LYZL4: variants seen among roughly 807,000 people sequenced by gnomAD.
The protein encoded by LYZL4 is lysozyme-like protein 4.
In LYZL4, 13 loss-of-function variants were observed where a neutral mutation model predicts 17.6. The ratio of observed to expected loss-of-function variants is 0.74; its 90% CI spans 0.48 to 1.18. The LOEUF is 1.18. LYZL4 is among the 50% of genes most tolerant of loss of function. The probability of loss-of-function intolerance (pLI) is 0.00; values close to 1 mark genes in which losing one functional copy is unlikely to be tolerated. For synonymous variants in LYZL4, 64 were observed against 67.7 expected (o/e 0.95, Z 0.27); for missense variants, 174 against 188.2 (o/e 0.92, Z 0.44).
At chr3:42,383,035 T>G in the LYZL4 span, among the ~76,000 whole-genome samples, 1 of 152,146 alleles carries the variant, frequency 6.6e-6, no homozygotes, top group Non-Finnish European at 1.5e-5. Flanking sequence ...TCCTTTCCAC[T>G]CCACACAACC....
the LYZL4 span, among the ~76,000 whole-genome samples, chr3:42,378,967 C>T: frequency 5.3e-5 from 8 of 152,190 alleles, no homozygotes; most frequent in South Asian, 1.7e-3. Flanking sequence ...GAGTCCAGAG[C>T]TTAAGTGCTT....
intron 4 of LYZL4, among the ~76,000 whole-genome samples, chr3:42,401,525 T>G (rs1181653999): frequency 6.6e-6 from 1 of 152,150 alleles, no homozygotes; most frequent in Non-Finnish European, 1.5e-5. Context: ...CACATCATAA[T>G]AAAATTTATT....
At chr3:42,375,096 C>T in the LYZL4 span, among the ~76,000 whole-genome samples, 1 of 152,122 alleles carries the variant, frequency 6.6e-6, no homozygotes, top group Non-Finnish European at 1.5e-5. Flanking sequence ...CAGGTGTGAG[C>T]CACTGTACCT....
At chr3:42,397,568 C>T (rs146008209) in intron 4 of LYZL4, among the ~76,000 whole-genome samples, 2 of 152,308 alleles carry the variant, frequency 1.3e-5, no homozygotes, top group East Asian at 3.9e-4. Flanking sequence ...CAGCCCCCAA[C>T]TCATTCCATA....
rs1261374445 is a variant in LYZL4 at position 42,397,345 on chromosome 3, A to G, written c.372-11T>C. On this transcript the variant is annotated splice_polypyrimidine_tract_variant and intron_variant, in intron 4 of 4. Coordinates refer to ENST00000287748, the MANE Select transcript of LYZL4 (RefSeq NM_144634.4). ...CGGGACCAGGTGGGCCTGTGGAGAG[A>G]AGTGAACAGGAAGGGCTCCTCAAAG... 9.6e-6 allele frequency: 15 copies of G among 1,561,460 alleles called. No individual in the cohort carries two copies. The highest frequency in any genetic ancestry group is 1.3e-5 in the Non-Finnish European group (15 of 1,150,542).
chr3:42,373,315 G>A, the LYZL4 span, among the ~76,000 whole-genome samples: 1 of 152,146 alleles, frequency 6.6e-6, no homozygotes, highest in Non-Finnish European at 1.5e-5. Context: ...TGAGGGTCCT[G>A]GACATTTGTC....
chr3:42,376,806 C>G, the LYZL4 span, among the ~76,000 whole-genome samples: 1 of 152,282 alleles, frequency 6.6e-6, no homozygotes, highest in South Asian at 2.1e-4. Flanking sequence ...TTCAAGGTCC[C>G]CATGAGGCAC....
At chr3:42,371,265 G>C in the LYZL4 span, among the ~76,000 whole-genome samples, 1 of 152,130 alleles carries the variant, frequency 6.6e-6, no homozygotes, top group Non-Finnish European at 1.5e-5. Context: ...AGCACTCAGG[G>C]GTGGCAGAGA....
the LYZL4 span, among the ~76,000 whole-genome samples, chr3:42,366,731 T>C: frequency 6.6e-6 from 1 of 152,234 alleles, no homozygotes; most frequent in East Asian, 1.9e-4. Flanking sequence ...TGTTTACTCA[T>C]TTCATTAGAC....
chr3:42,386,244 A>G, the LYZL4 span, among the ~76,000 whole-genome samples: 12 of 152,222 alleles, frequency 7.9e-5, no homozygotes, highest in South Asian at 1.5e-3. Context: ...CTGGGATTAC[A>G]GGCACCTGCC....
intron 1 of LYZL4, 136 bp from the exon 2 acceptor site, chr3:42,407,479 C>T: frequency 6.9e-6 from 4 of 578,934 alleles, no homozygotes; most frequent in East Asian, 3.0e-5. Context: ...AAACTCTGCC[C>T]CTTCTCCTCC....
At chr3:42,363,357 A>C in the LYZL4 span, among the ~76,000 whole-genome samples, 1 of 152,196 alleles carries the variant, frequency 6.6e-6, no homozygotes. Flanking sequence ...CATTGTGTTT[A>C]TGTAGAAAAA....
the LYZL4 span, among the ~76,000 whole-genome samples, chr3:42,376,744 C>T: frequency 1.3e-5 from 2 of 152,118 alleles, no homozygotes; most frequent in African/African-American, 4.8e-5. Flanking sequence ...AACAGGGTGC[C>T]TGCCCTGGAA....
At chr3:42,401,344 G>A (rs1009367855) in intron 4 of LYZL4, among the ~76,000 whole-genome samples, 2 of 151,986 alleles carry the variant, frequency 1.3e-5, no homozygotes, top group Non-Finnish European at 2.9e-5. Flanking sequence ...CCGAGTGGCT[G>A]GGATTACAGA....
At chr3:42,389,423 G>A in the LYZL4 span, among the ~76,000 whole-genome samples, 1 of 152,134 alleles carries the variant, frequency 6.6e-6, no homozygotes, top group Non-Finnish European at 1.5e-5. Flanking sequence ...CTGACTCCCT[G>A]CACCACAGGC....
chr3:42,360,921 T>C, the LYZL4 span, among the ~76,000 whole-genome samples: 62 of 152,304 alleles, frequency 4.1e-4, no homozygotes, highest in African/African-American at 1.3e-3. Context: ...CCAAGCCTGA[T>C]ATGTTTTCAA....
intron 1 of LYZL4, 144 bp downstream of exon 1, chr3:42,410,273 T>C (rs1698839334): frequency 6.6e-6 from 1 of 152,222 alleles, no homozygotes; most frequent in Non-Finnish European, 1.5e-5. Context: ...AATGAAACTT[T>C]GTTGAATGAA....
the LYZL4 span, among the ~76,000 whole-genome samples, chr3:42,365,867 A>G: frequency 6.6e-6 from 1 of 152,174 alleles, no homozygotes; most frequent in Non-Finnish European, 1.5e-5. Flanking sequence ...TCTGTAATAA[A>G]CATATACTCT....
At chr3:42,379,714 A>C in the LYZL4 span, among the ~76,000 whole-genome samples, 2 of 151,806 alleles carry the variant, frequency 1.3e-5, no homozygotes, top group Non-Finnish European at 2.9e-5. Context: ...AAAATCCCAA[A>C]CTCCTCAAAA....
Sources: gnomAD v4.1 joint callset for allele counts (sites outside exome capture counted in the v4.1 genomes callset) on GRCh38, gnomAD v4.1.1 for gene constraint, MANE v1.5 for transcripts, NCBI Gene and HGNC (gene_info 2026-07-23, HGNC 2026-07-21) for gene names.